Variants in LTBP1 observed in about 807,000 individuals in gnomAD.
LTBP1 encodes latent transforming growth factor beta binding protein 1, also known as latent-transforming growth factor beta-binding protein 1.
LTBP1 carries 129 observed loss-of-function variants against 207.6 expected under a neutral mutation model. The observed-to-expected ratio is 0.62, with a 90% confidence interval of 0.54 to 0.72. The LOEUF is 0.72. Ranked by LOEUF, LTBP1 falls within the 30% of genes least tolerant of loss-of-function variation. The pLI, the probability that LTBP1 is intolerant of heterozygous loss-of-function variation, is 0.00. For synonymous variants in LTBP1, 963 were observed against 833.7 expected, an observed-to-expected ratio of 1.16 and a Z score of -2.67; for missense variants, 2,281 against 2,217.2, an observed-to-expected ratio of 1.03 and a Z score of -0.58.
chr2:33,281,185 TG>T (rs946223182), intron 19 of LTBP1, among the ~76,000 whole-genome samples: 1 of 152,112 alleles, frequency 6.6e-6, no homozygotes. Context: ...TACTGTCTGG[TG>T]GGGGAGACTG....
chr2:33,292,704 A>C (rs550047097), intron 19 of LTBP1, among the ~76,000 whole-genome samples: 1 of 151,778 alleles, frequency 6.6e-6, no homozygotes, highest in Non-Finnish European at 1.5e-5. Flanking sequence ...ACTCTTTTTC[A>C]CCTTTCTGTT....
chr2:33,300,003 A>G (rs2093953732), intron 20 of LTBP1, among the ~76,000 whole-genome samples: 1 of 152,234 alleles, frequency 6.6e-6, no homozygotes, highest in Non-Finnish European at 1.5e-5. Flanking sequence ...ACTTCTAGAC[A>G]AAGTAGAATT....
chr2:33,089,666 C>A (rs2078968452), intron 3 of LTBP1, among the ~76,000 whole-genome samples: 1 of 152,210 alleles, frequency 6.6e-6, no homozygotes, highest in South Asian at 2.1e-4. Flanking sequence ...CATGTTGAAT[C>A]AGATATTACT....
At chr2:33,162,330 T>G (rs1251323312) in intron 5 of LTBP1, among the ~76,000 whole-genome samples, 1 of 152,230 alleles carries the variant, frequency 6.6e-6, no homozygotes, top group Admixed American at 6.5e-5. Context: ...AATCATTATT[T>G]TTCTTGTTTG....
At chr2:32,955,210 G>A (rs560511875) in intron 2 of LTBP1, among the ~76,000 whole-genome samples, 122 of 152,256 alleles carry the variant, frequency 8.0e-4, no homozygotes, top group African/African-American at 2.9e-3. Context: ...CAACCTCAAC[G>A]CTTAGCAATT....
chr2:33,264,239 G>A (rs1299023213), intron 15 of LTBP1, among the ~76,000 whole-genome samples: 1 of 137,964 alleles, frequency 7.2e-6, no homozygotes, highest in Non-Finnish European at 1.5e-5. Flanking sequence ...CTGGGGGACA[G>A]AGCGAGACTC....
chr2:33,041,456 T>TGTATTTTA (rs2076181706), intron 3 of LTBP1, among the ~76,000 whole-genome samples: 1 of 152,110 alleles, frequency 6.6e-6, no homozygotes, highest in Non-Finnish European at 1.5e-5. Context: ...AGCTAATTTT[T>TGTATTTTA]GTATTTCAGT....
intron 12 of LTBP1, among the ~76,000 whole-genome samples, chr2:33,258,983 A>G (rs758547856): frequency 6.6e-6 from 1 of 152,202 alleles, no homozygotes; most frequent in Non-Finnish European, 1.5e-5. Context: ...TGTAATGTAT[A>G]ATTTGTTCAG....
chr2:33,367,724 A>G (rs2095010634), intron 31 of LTBP1, among the ~76,000 whole-genome samples: 1 of 152,154 alleles, frequency 6.6e-6, no homozygotes, highest in Non-Finnish European at 1.5e-5. Flanking sequence ...TGGATAAAGA[A>G]ATTTTCTTAC....
chr2:33,359,114 C>G (rs1267936231), intron 26 of LTBP1, among the ~76,000 whole-genome samples: 1 of 152,160 alleles, frequency 6.6e-6, no homozygotes, highest in Non-Finnish European at 1.5e-5. Context: ...TTGTCATCAG[C>G]TATTAATGCT....
At chr2:33,105,839 C>T (rs1558643808) in intron 3 of LTBP1, among the ~76,000 whole-genome samples, 1 of 152,078 alleles carries the variant, frequency 6.6e-6, no homozygotes, top group African/African-American at 2.4e-5. Flanking sequence ...AATAAGACAA[C>T]AATGAAGTTT....
intron 2 of LTBP1, among the ~76,000 whole-genome samples, chr2:33,010,630 C>A (rs1490805739): frequency 6.6e-6 from 1 of 151,978 alleles, no homozygotes; most frequent in Non-Finnish European, 1.5e-5. Flanking sequence ...ATCACATGGA[C>A]CCCATAAACA....
At chr2:33,100,199 G>A (rs531252411) in intron 3 of LTBP1, among the ~76,000 whole-genome samples, 5 of 152,316 alleles carry the variant, frequency 3.3e-5, no homozygotes, top group African/African-American at 1.2e-4. Context: ...TACAGAGACT[G>A]ACAGCTCATG....
intron 23 of LTBP1, 149 bp downstream of exon 23, chr2:33,309,705 A>C: frequency 1.1e-6 from 1 of 888,206 alleles, no homozygotes; most frequent in African/African-American, 1.7e-5. Flanking sequence ...TCTTGGGTCC[A>C]CATCAAGTGC....
At chr2:33,172,957 G>C (rs1163719427) in intron 5 of LTBP1, among the ~76,000 whole-genome samples, 4 of 151,894 alleles carry the variant, frequency 2.6e-5, no homozygotes, top group Admixed American at 6.6e-5. Context: ...TGAAACCAAC[G>C]AGAACAAAGA....
At chr2:33,215,716 G>GTTTTTTTTTTTTTTTTTTTTTTTT (rs1287189048) in intron 7 of LTBP1, among the ~76,000 whole-genome samples, 1 of 139,048 alleles carries the variant, frequency 7.2e-6, no homozygotes, top group African/African-American at 2.7e-5. Context: ...GTTTTCTTTT[G>GTTTTTTTTTTTTTTTTTTTTTTTT]TTTTTTGTTT....
intron 2 of LTBP1, among the ~76,000 whole-genome samples, chr2:32,964,526 C>T (rs1424196451): frequency 6.6e-6 from 1 of 152,084 alleles, no homozygotes; most frequent in Non-Finnish European, 1.5e-5. Context: ...AGCTATGCCT[C>T]CTTAAAAGTA....
chr2:32,989,376 AT>A (rs1359132173), intron 2 of LTBP1, among the ~76,000 whole-genome samples: 1 of 152,244 alleles, frequency 6.6e-6, no homozygotes, highest in Non-Finnish European at 1.5e-5. Flanking sequence ...ATAGTCACAA[AT>A]CATTTGCATA....
intron 24 of LTBP1, among the ~76,000 whole-genome samples, chr2:33,332,397 A>AAAG (rs2094505515): frequency 1.5e-5 from 2 of 129,872 alleles, no homozygotes; most frequent in East Asian, 2.1e-4. Flanking sequence ...AAAAAAAAAA[A>AAAG]AGAGAGAGAG....
Sources: allele counts gnomAD v4.1 joint callset (sites outside exome capture counted in the v4.1 genomes callset), GRCh38; gene constraint gnomAD v4.1.1; transcripts MANE v1.5; gene names NCBI Gene and HGNC (gene_info 2026-07-23, HGNC 2026-07-21).